The following PCDHGB3 variants were observed in gnomAD, a reference collection of about 807,000 sequenced individuals.
The protein encoded by PCDHGB3 is protocadherin gamma-B3.
Under a neutral mutation model 59.2 loss-of-function variants are expected in PCDHGB3, and 40 were observed. The observed-to-expected ratio is 0.68, with a 90% CI of 0.52 to 0.88. The LOEUF (loss-of-function observed/expected upper bound fraction) is 0.88, where lower values mean the gene tolerates loss of function less well. Ranked by LOEUF, PCDHGB3 falls within the 40% of genes least tolerant of loss-of-function variation. PCDHGB3 has a pLI of 0.00. For missense variants in PCDHGB3, 1,309 were observed against 1,187.9 expected (o/e 1.10, Z -1.50); for synonymous variants, 581 against 503.6 (o/e 1.15, Z -2.06).
rs977174958 is a variant in PCDHGB3, at chr5:141,394,524, G to C, written c.2415+21715G>C. 3.7e-6 allele frequency: 6 copies of C among 1,614,096 alleles called. No homozygotes were observed. The African/African-American group carries it at 6.7e-5, about 18-fold the overall frequency. ...CCTGTACCCCGCCCTCCCCACAGAC[G>C]GTTCCACTGGCGTGGAGCTGGCGCC... On this transcript the variant is annotated intron_variant, in intron 1 of 3. Coordinates refer to ENST00000576222, the MANE Select transcript of PCDHGB3 (RefSeq NM_018924.5).
intron 1 of PCDHGB3, chr5:141,393,362 G>C (rs1377325166): frequency 5.0e-6 from 8 of 1,613,978 alleles, no homozygotes; most frequent in Non-Finnish European, 6.8e-6. Context: ...TGGACGTGCA[G>C]ACTGGAGACA....
chr5:141,486,168 A>C lies in PCDHGB3; in HGVS notation c.2416-8639A>C, dbSNP rs774913463. 6.2e-7 allele frequency: 1 copy of C among 1,614,196 alleles called. No homozygotes were observed. Among genetic ancestry groups the C allele is most frequent in the South Asian group, 1.1e-5 (1 of 91,084 alleles). On this transcript the variant is annotated intron_variant, in intron 1 of 3. Transcript: ENST00000576222. The surrounding 1 kb of genome is among the most constrained non-coding windows in gnomAD (Gnocchi z 5.0). ...GATGGGGGTTCTCCAGCCATGGAGC[A>C]ACATTGCAGCCTTCGAGTGGATCTG...
intron 1 of PCDHGB3, among the ~76,000 whole-genome samples, chr5:141,474,263 A>C (rs964712807): frequency 6.6e-6 from 1 of 152,188 alleles, no homozygotes; most frequent in Non-Finnish European, 1.5e-5. Context: ...CTGATAAACC[A>C]GTGTATCTCT....
In PCDHGB3 at chr5:141,476,210, G is replaced by A; in HGVS notation, c.2416-18597G>A. ...TGGTGCCTTGAACAAGGCTTCCACG[G>A]TCATTCACTATGAGATCCCGGAGGA... is the stretch of plus-strand genomic sequence containing the variant. On this transcript the variant is annotated intron_variant, in intron 1 of 3. Coordinates refer to ENST00000576222, the MANE Select transcript of PCDHGB3 (RefSeq NM_018924.5). The surrounding 1 kb of genome is among the most constrained non-coding windows in gnomAD (Gnocchi z 7.6). 6.2e-7 allele frequency: 1 copy of A among 1,614,012 alleles called. No individual in the cohort carries two copies. Among genetic ancestry groups the A allele is most frequent in the Non-Finnish European group, 8.5e-7 (1 of 1,180,012 alleles).
chr5:141,419,605 G>A, intron 1 of PCDHGB3: 1 of 1,611,776 alleles, frequency 6.2e-7, no homozygotes, highest in Non-Finnish European at 8.5e-7. Flanking sequence ...CGCGGGCCGC[G>A]CAGCCAGGCT....
intron 1 of PCDHGB3, among the ~76,000 whole-genome samples, chr5:141,488,238 C>G (rs374846692): frequency 6.6e-6 from 1 of 152,154 alleles, no homozygotes; most frequent in African/African-American, 2.4e-5. Context: ...GAACTAGATG[C>G]GGTAAATTGG....
chr5:141,439,965 T>C (rs1212358198), intron 1 of PCDHGB3: 1 of 152,760 alleles, frequency 6.5e-6, no homozygotes, highest in Non-Finnish European at 1.5e-5. Flanking sequence ...CGTTATTCAG[T>C]CCTAGAGGAG....
chr5:141,455,876 TTTA>T (rs1271603055), intron 1 of PCDHGB3, among the ~76,000 whole-genome samples: 2 of 146,624 alleles, frequency 1.4e-5, no homozygotes, highest in Non-Finnish European at 1.5e-5. Context: ...TATTTATTTA[TTTA>T]TTTATTTATT....
At chr5:141,374,081 G>A (rs1588729709) in intron 1 of PCDHGB3, 1 of 1,524,542 alleles carries the variant, frequency 6.6e-7, no homozygotes. Flanking sequence ...TAATAAGCCA[G>A]TAATGGCGCC....
In PCDHGB3 at chr5:141,370,463, T is replaced by C. The variant is rs763997500; in HGVS notation, c.69T>C (p.Ser23=). Residue 23 remains serine, a synonymous_variant, in exon 1 of 4, where the codon TCT becomes TCC. Coordinates refer to ENST00000576222, the MANE Select transcript of PCDHGB3 (RefSeq NM_018924.5). The part of the protein sequence containing the change: ...QRRMLFLFLL[S]LLDQALSEPI... ...GAATGCTATTTCTCTTCCTGCTCTCTTTGTTAGACCAGGCTCTCTCCGAAC... is the reference window on the plus strand; with the variant it reads ...GAATGCTATTTCTCTTCCTGCTCTCCTTGTTAGACCAGGCTCTCTCCGAAC... The C allele has an allele frequency of 1.9e-6, 3 of 1,612,968 alleles. No individual in the cohort carries two copies. The East Asian group carries it at 6.7e-5, about 36-fold the overall frequency.
chr5:141,450,755 G>A (rs556795021), intron 1 of PCDHGB3, among the ~76,000 whole-genome samples: 8 of 152,040 alleles, frequency 5.3e-5, no homozygotes, highest in Admixed American at 1.3e-4. Context: ...CCAAAGTGCC[G>A]GGATTACAGG....
chr5:141,371,448 G>A lies in PCDHGB3; in HGVS notation c.1054G>A (p.Glu352Lys). ...DNAPEITLAS[E>K]SQHIQEDAEL... ...TGCCCCGGAGATAACCCTGGCTTCT[G>A]AATCCCAACATATACAAGAAGATGC... Residue 352 changes from glutamate to lysine, a missense_variant, in exon 1 of 4, where the codon GAA becomes AAA. Glu to Lys is a moderately conservative substitution (Grantham distance 56). Transcript: ENST00000576222. 1 of 1,613,994 alleles carries A rather than the reference G, an allele frequency of 6.2e-7. No homozygotes were observed. The highest frequency in any genetic ancestry group is 8.5e-7 in the Non-Finnish European group (1 of 1,179,872).
chr5:141,472,673 C>T (rs2099292538), intron 1 of PCDHGB3, among the ~76,000 whole-genome samples: 3 of 151,340 alleles, frequency 2.0e-5, no homozygotes, highest in Admixed American at 2.0e-4. Context: ...GTATACTGGT[C>T]CTTCCATTTC....
chr5:141,439,790 C>G (rs2098131627), intron 1 of PCDHGB3: 2 of 152,248 alleles, frequency 1.3e-5, no homozygotes, highest in Non-Finnish European at 2.9e-5. Flanking sequence ...TTCTATAATC[C>G]AAGAAGAGTT....
chr5:141,422,898 C>T (rs2096684110), intron 1 of PCDHGB3: 2 of 1,614,250 alleles, frequency 1.2e-6, no homozygotes, highest in Middle Eastern at 1.6e-4. Flanking sequence ...TGGACCAGAA[C>T]GACAATGCGC....
At chr5:141,410,858 T>A in intron 1 of PCDHGB3, 1 of 436,188 alleles carries the variant, frequency 2.3e-6, no homozygotes, top group Non-Finnish European at 3.8e-6. Context: ...TCTTTTTTTT[T>A]TTTTTTTTTT....
At chr5:141,396,795 G>T (rs1022475514) in intron 1 of PCDHGB3, among the ~76,000 whole-genome samples, 1 of 152,180 alleles carries the variant, frequency 6.6e-6, no homozygotes, top group Admixed American at 6.5e-5. Context: ...ATTTCCTAAG[G>T]ATTGTGTAGT....
intron 1 of PCDHGB3, chr5:141,428,255 G>A (rs2097128504): frequency 1.1e-6 from 1 of 875,462 alleles, no homozygotes; most frequent in Non-Finnish European, 1.8e-6. Context: ...CCAGACTTCA[G>A]TGACAGTCCT....
intron 1 of PCDHGB3, among the ~76,000 whole-genome samples, chr5:141,373,486 G>A (rs1769628161): frequency 1.3e-5 from 2 of 152,192 alleles, no homozygotes; most frequent in Non-Finnish European, 2.9e-5. Flanking sequence ...TTGTGCCCCT[G>A]CACTCTAGCC....
Sources: allele counts gnomAD v4.1 joint callset (sites outside exome capture counted in the v4.1 genomes callset), GRCh38; gene constraint gnomAD v4.1.1; non-coding constraint Gnocchi (gnomAD v3.1); transcripts MANE v1.5; gene names NCBI Gene and HGNC (gene_info 2026-07-23, HGNC 2026-07-21).